NDUFB4: variants seen among roughly 807,000 people sequenced by gnomAD.
The protein encoded by NDUFB4 is NADH:ubiquinone oxidoreductase subunit B4.
In NDUFB4, 10 loss-of-function variants were observed where a neutral mutation model predicts 14.5. The ratio of observed to expected loss-of-function variants is 0.69; its 90% CI spans 0.43 to 1.17. The LOEUF (loss-of-function observed/expected upper bound fraction) is 1.17, where lower values mean the gene tolerates loss of function less well. Among genes scored for constraint, NDUFB4 ranks in the 50% most tolerant of loss-of-function variants. The probability of loss-of-function intolerance (pLI) is 0.00; values close to 1 mark genes in which losing one functional copy is unlikely to be tolerated. For synonymous variants in NDUFB4, 65 were observed against 63.4 expected, an observed-to-expected ratio of 1.03 and a Z score of -0.12; for missense variants, 165 against 161.1, an observed-to-expected ratio of 1.02 and a Z score of -0.13.
chr3:120,601,381 T>C (rs1940057687), intron 2 of NDUFB4, 124 bp downstream of exon 2: 2 of 1,511,020 alleles, frequency 1.3e-6, no homozygotes, highest in Non-Finnish European at 1.8e-6. Flanking sequence ...TCCTCTGCCT[T>C]CCCTTCCTCT....
At chr3:120,601,039 A>G in intron 1 of NDUFB4, 72 bp from the exon 2 acceptor site, 2 of 1,382,946 alleles carry the variant, frequency 1.4e-6, no homozygotes, top group Non-Finnish European at 2.0e-6. Context: ...TCCTTCACAA[A>G]AGTCCCTATG....
chr3:120,602,353 T>TA lies in NDUFB4; in HGVS notation c.*84dup. ...AGTAGTAGTTTCTCTTTCTTAGTAT[T>TA]ACCTTGATTCAATGTTAAAAACTAT... is the stretch of plus-strand genomic sequence containing the variant. On this transcript the variant is annotated 3_prime_UTR_variant, in exon 3 of 3. Coordinates refer to ENST00000184266, the MANE Select transcript of NDUFB4 (RefSeq NM_004547.6). 3.8e-6 allele frequency: 5 copies of TA among 1,310,788 alleles called. No individual in the cohort carries two copies. Among genetic ancestry groups the TA allele is most frequent in the Non-Finnish European group, 5.3e-6 (5 of 936,296 alleles). The allele number at this position is 1,310,788 out of a possible 1,614,324, so 81.2% of individuals were successfully genotyped here.
intron 1 of NDUFB4, among the ~76,000 whole-genome samples, chr3:120,598,183 G>T (rs1939999437): frequency 6.6e-6 from 1 of 151,846 alleles, no homozygotes; most frequent in African/African-American, 2.4e-5. Flanking sequence ...CTTCCAAGTA[G>T]CTGGGACCAC....
At chr3:120,601,026 T>C in intron 1 of NDUFB4, 85 bp from the exon 2 acceptor site, 1 of 1,189,594 alleles carries the variant, frequency 8.4e-7, no homozygotes, top group Admixed American at 2.1e-5. Flanking sequence ...AATGCGTCTG[T>C]GCTCCTTCAC....
At chr3:120,600,893 C>G (rs1188208702) in intron 1 of NDUFB4, 1 of 519,830 alleles carries the variant, frequency 1.9e-6, no homozygotes, top group African/African-American at 2.0e-5. Flanking sequence ...GTGATATGAG[C>G]CTTCTACATT....
intron 1 of NDUFB4, 75 bp downstream of exon 1, chr3:120,596,614 G>A: frequency 1.3e-6 from 2 of 1,489,078 alleles, no homozygotes; most frequent in Non-Finnish European, 9.2e-7. Flanking sequence ...GCAAAGGGTC[G>A]GCCACCGCTC....
chr3:120,601,714 C>T, intron 2 of NDUFB4: 1 of 1,027,450 alleles, frequency 9.7e-7, no homozygotes, highest in South Asian at 3.9e-5. Context: ...CCAAACCATT[C>T]CACATCTGGT....
At chr3:120,600,967 A>G in intron 1 of NDUFB4, 144 bp from the exon 2 acceptor site, 1 of 644,952 alleles carries the variant, frequency 1.6e-6, no homozygotes, top group Non-Finnish European at 2.6e-6. Flanking sequence ...TCTTTCCTGA[A>G]GCTGTTTAGG....
At chr3:120,598,507 G>C (rs1940005192) in intron 1 of NDUFB4, among the ~76,000 whole-genome samples, 1 of 152,074 alleles carries the variant, frequency 6.6e-6, no homozygotes, top group South Asian at 2.1e-4. Flanking sequence ...GGGGAGACAA[G>C]AAACAAGTTA....
intron 2 of NDUFB4, 82 bp downstream of exon 2, chr3:120,601,339 T>C (rs1392110118): frequency 1.3e-6 from 2 of 1,586,640 alleles, no homozygotes; most frequent in South Asian, 2.3e-5. Flanking sequence ...CTCTTGAAGA[T>C]TGCCACCAGT....
chr3:120,598,972 G>A (rs1940011939), intron 1 of NDUFB4, among the ~76,000 whole-genome samples: 1 of 152,172 alleles, frequency 6.6e-6, no homozygotes, highest in East Asian at 1.9e-4. Context: ...GGGAGACTAG[G>A]AGGCTTTTGT....
At chr3:120,597,171 C>T (rs1227210594) in intron 1 of NDUFB4, among the ~76,000 whole-genome samples, 1 of 151,548 alleles carries the variant, frequency 6.6e-6, no homozygotes, top group Non-Finnish European at 1.5e-5. Context: ...ATTCCTTCAA[C>T]CTGCATCTTT....
At chr3:120,598,942 T>C (rs1420476367) in intron 1 of NDUFB4, among the ~76,000 whole-genome samples, 1 of 152,086 alleles carries the variant, frequency 6.6e-6, no homozygotes, top group Non-Finnish European at 1.5e-5. Context: ...GAATTGACTA[T>C]GGGGGAAAGG....
In NDUFB4 at chr3:120,602,305, A is replaced by C; in HGVS notation, c.*35A>C. ...TGATGACTATATGTATTCCTGCCTA[A>C]ATAAATCATCTATTAATCATTAAGT... On this transcript the variant is annotated 3_prime_UTR_variant, in exon 3 of 3. Coordinates refer to ENST00000184266, the MANE Select transcript of NDUFB4 (RefSeq NM_004547.6). 6.5e-7 allele frequency: 1 copy of C among 1,527,172 alleles called. No homozygotes were observed. The highest frequency in any genetic ancestry group is 9.0e-7 in the Non-Finnish European group (1 of 1,116,120). The allele number at this position is 1,527,172 out of a possible 1,614,324, so 94.6% of individuals were successfully genotyped here.
chr3:120,601,436 G>A, intron 2 of NDUFB4, 179 bp downstream of exon 2: 1 of 1,434,558 alleles, frequency 7.0e-7, no homozygotes, highest in African/African-American at 1.4e-5. Flanking sequence ...AAAACAGAAA[G>A]TTTTCAGTCA....
At chr3:120,602,132 A>T (rs975483917) in intron 2 of NDUFB4, 76 bp from the exon 3 acceptor site, 2 of 1,552,812 alleles carry the variant, frequency 1.3e-6, no homozygotes, top group Non-Finnish European at 1.7e-6. Flanking sequence ...TACCTTTTTT[A>T]TTTATTTATT....
intron 1 of NDUFB4, among the ~76,000 whole-genome samples, chr3:120,596,821 CA>C: frequency 6.6e-6 from 1 of 151,822 alleles, no homozygotes; most frequent in East Asian, 1.9e-4. Context: ...TTTCTGTCTG[CA>C]AAATGGGCGT....
At position 120,601,955 on chromosome 3, in the gene NDUFB4, T is replaced by C. The variant is rs752527463; in HGVS notation, c.328-253T>C. On this transcript the variant is annotated intron_variant, in intron 2 of 2. Coordinates refer to ENST00000184266, the MANE Select transcript of NDUFB4 (RefSeq NM_004547.6). ...ATATTTCTAATGACTAAAATGTGAG[T>C]AAGATGTTTTTGAATAGGAGCATTT... 51 of 1,231,168 alleles carry C rather than the reference T, an allele frequency of 4.1e-5. No homozygotes were observed. In the African/African-American group the frequency reaches 7.5e-4, roughly 18 times the overall value. 76.3% of individuals were successfully genotyped at this position (1,231,168 alleles called of 1,614,324 possible).
Position 120,596,345 on chromosome 3 carries a change from C to G in NDUFB4, c.-15C>G. ...TCAGAATCGCGCAGGCGCAATTGTGCCCTGGTTCGCCAAGATGTCGTTCCC... is the reference window on the plus strand; with the variant it reads ...TCAGAATCGCGCAGGCGCAATTGTGGCCTGGTTCGCCAAGATGTCGTTCCC... On this transcript the variant is annotated 5_prime_UTR_variant, in exon 1 of 3. Transcript: ENST00000184266. 6.2e-7 allele frequency: 1 copy of G among 1,613,588 alleles called. No individual in the cohort carries two copies. Among genetic ancestry groups the G allele is most frequent in the African/African-American group, 1.3e-5 (1 of 75,054 alleles).
Sources: allele counts gnomAD v4.1 joint callset (sites outside exome capture counted in the v4.1 genomes callset), GRCh38; gene constraint gnomAD v4.1.1; transcripts MANE v1.5; gene names NCBI Gene and HGNC (gene_info 2026-07-23, HGNC 2026-07-21).